Variants in DRC8 observed in about 807,000 individuals in gnomAD.
The protein encoded by DRC8 is dynein regulatory complex subunit 8.
chr1:245,063,444 C>T, the DRC8 span, among the ~76,000 whole-genome samples: 1 of 152,172 alleles, frequency 6.6e-6, no homozygotes, highest in African/African-American at 2.4e-5. Flanking sequence ...ATTCCTTTTG[C>T]GATTTTAGTG....
chr1:245,085,409 T>G, the DRC8 span, among the ~76,000 whole-genome samples: 1 of 152,150 alleles, frequency 6.6e-6, no homozygotes, highest in African/African-American at 2.4e-5. Flanking sequence ...AATGAGTGAA[T>G]GAGTAGATGA....
chr1:244,970,036 G>A, the DRC8 span: 1 of 613,834 alleles, frequency 1.6e-6, no homozygotes, highest in Non-Finnish European at 2.9e-6. Context: ...GACAGGAGGG[G>A]GCGAGGGGTG....
the DRC8 span, among the ~76,000 whole-genome samples, chr1:245,054,020 C>T: frequency 2.6e-5 from 4 of 152,112 alleles, no homozygotes; most frequent in East Asian, 1.9e-4. Context: ...CTTCTTTGCA[C>T]GGGCTCTTTC....
the DRC8 span, among the ~76,000 whole-genome samples, chr1:245,120,311 C>A: frequency 1.3e-5 from 2 of 152,164 alleles, no homozygotes; most frequent in African/African-American, 4.8e-5. Context: ...TCTCACTAAG[C>A]AACAGGTCCC....
the DRC8 span, among the ~76,000 whole-genome samples, chr1:244,975,151 C>T: frequency 3.9e-5 from 6 of 152,172 alleles, no homozygotes; most frequent in East Asian, 3.9e-4. Context: ...AGGATGGTCT[C>T]GATCTCCTGA....
At chr1:244,975,852 T>A in the DRC8 span, among the ~76,000 whole-genome samples, 1 of 151,950 alleles carries the variant, frequency 6.6e-6, no homozygotes, top group Non-Finnish European at 1.5e-5. Flanking sequence ...AGGGTGAGAC[T>A]CTGTCTCAAA....
At chr1:245,064,699 T>C in the DRC8 span, among the ~76,000 whole-genome samples, 3 of 152,234 alleles carry the variant, frequency 2.0e-5, no homozygotes, top group South Asian at 6.2e-4. Context: ...TTTTCTTCAT[T>C]AAATGGATTT....
the DRC8 span, among the ~76,000 whole-genome samples, chr1:244,986,530 T>G: frequency 1.3e-5 from 2 of 152,018 alleles, no homozygotes; most frequent in East Asian, 3.9e-4. Flanking sequence ...GAGGGAGCCA[T>G]TGGAGCTTTT....
At chr1:245,076,998 T>G in the DRC8 span, among the ~76,000 whole-genome samples, 1 of 152,302 alleles carries the variant, frequency 6.6e-6, no homozygotes, top group South Asian at 2.1e-4. Context: ...GTGCTGGGAT[T>G]ACAGGCGTGA....
the DRC8 span, among the ~76,000 whole-genome samples, chr1:244,979,513 C>T: frequency 1.3e-5 from 2 of 151,734 alleles, no homozygotes; most frequent in African/African-American, 2.4e-5. Flanking sequence ...ACCATACTGG[C>T]CAGTCTGGTC....
chr1:245,071,457 C>T, the DRC8 span, among the ~76,000 whole-genome samples: 2 of 152,284 alleles, frequency 1.3e-5, no homozygotes, highest in South Asian at 2.1e-4. Context: ...GAAAGGACGT[C>T]GTTGCTATAA....
the DRC8 span, among the ~76,000 whole-genome samples, chr1:245,050,007 C>T: frequency 3.3e-5 from 5 of 152,270 alleles, no homozygotes; most frequent in South Asian, 6.2e-4. Flanking sequence ...GTCTGGCACG[C>T]GTAATAAGTC....
At chr1:245,032,801 T>C in the DRC8 span, among the ~76,000 whole-genome samples, 1 of 152,040 alleles carries the variant, frequency 6.6e-6, no homozygotes, top group East Asian at 1.9e-4. Context: ...CTGGATTTCA[T>C]TGTGTAAGCA....
At chr1:245,121,776 A>G in the DRC8 span, 1 of 349,696 alleles carries the variant, frequency 2.9e-6, no homozygotes, top group Non-Finnish European at 5.4e-6. Flanking sequence ...CAAAGCATCA[A>G]CCCCTCCGTC....
At chr1:245,095,056 C>T in the DRC8 span, among the ~76,000 whole-genome samples, 1 of 152,194 alleles carries the variant, frequency 6.6e-6, no homozygotes, top group African/African-American at 2.4e-5. Context: ...GCACCAGGCT[C>T]AGGCCAACAG....
the DRC8 span, among the ~76,000 whole-genome samples, chr1:245,039,959 C>T: frequency 2.0e-5 from 3 of 152,206 alleles, no homozygotes; most frequent in African/African-American, 7.2e-5. Context: ...GGTTTCCCCA[C>T]AGCAAAGTTA....
chr1:245,071,605 C>T, the DRC8 span, among the ~76,000 whole-genome samples: 134 of 152,298 alleles, frequency 8.8e-4, no homozygotes, highest in South Asian at 0.012. Flanking sequence ...CACTTTTGCA[C>T]ATTGCTAATA....
At chr1:245,065,895 G>T in the DRC8 span, among the ~76,000 whole-genome samples, 1 of 151,850 alleles carries the variant, frequency 6.6e-6, no homozygotes, top group African/African-American at 2.4e-5. Context: ...CGAAACTCCT[G>T]CAGGGATGGA....
the DRC8 span, among the ~76,000 whole-genome samples, chr1:244,974,997 C>G: frequency 1.9e-4 from 29 of 152,060 alleles, no homozygotes; most frequent in African/African-American, 6.8e-4. Context: ...GTGGCACGAT[C>G]TTGGCTCACT....
Sources: allele counts gnomAD v4.1 joint callset (sites outside exome capture counted in the v4.1 genomes callset), GRCh38; gene constraint gnomAD v4.1.1; transcripts MANE v1.5; gene names NCBI Gene and HGNC (gene_info 2026-07-23, HGNC 2026-07-21).